Variants in GPA33 observed in about 807,000 individuals in gnomAD.
GPA33 encodes the protein glycoprotein A33.
In GPA33, 27 loss-of-function variants were observed where a neutral mutation model predicts 35.6. That is an observed-to-expected ratio of 0.76 (90% CI 0.56 to 1.04). The LOEUF (loss-of-function observed/expected upper bound fraction) is 1.04. GPA33 is among the 50% of genes least tolerant of loss of function. The pLI is 0.00. For missense variants in GPA33, 428 were observed against 411.9 expected, an observed-to-expected ratio of 1.04 and a Z score of -0.34; for synonymous variants, 176 against 164.0, an observed-to-expected ratio of 1.07 and a Z score of -0.56.
intron 1 of GPA33, among the ~76,000 whole-genome samples, chr1:167,077,727 T>C (rs1666852892): frequency 6.6e-6 from 1 of 152,214 alleles, no homozygotes; most frequent in Non-Finnish European, 1.5e-5. Context: ...CAACCATCAA[T>C]GGATGAAAAA....
In GPA33 at chr1:167,073,516, A is replaced by G. The variant is rs1373783525; in HGVS notation, c.67T>C (p.Ser23Pro). Residue 23 changes from serine (S) to proline (P), a missense_variant, in exon 2 of 7, where the codon TCT (serine) becomes CCT (proline). Coordinates refer to ENST00000367868, the MANE Select transcript of GPA33 (RefSeq NM_005814.3). The part of the protein sequence containing the change: ...CAVRVTVDAI[S>P]VETPQDVLRA... ...AGAACGTCCTGCGGAGTTTCCACAG[A>G]GATGGCATCGACGGTCACCCTGACT... 2 of 1,613,898 alleles carry G rather than the reference A, an allele frequency of 1.2e-6. No individual in the cohort carries two copies. Among genetic ancestry groups the G allele is most frequent in the South Asian group, 1.1e-5 (1 of 91,066 alleles).
chr1:167,063,478 T>A, intron 4 of GPA33, 104 bp downstream of exon 4: 1 of 1,003,660 alleles, frequency 1.0e-6, no homozygotes. Flanking sequence ...GCAAGCGGCC[T>A]TCAGGGGGAT....
At chr1:167,088,555 G>A (rs1667098937) in intron 1 of GPA33, among the ~76,000 whole-genome samples, 1 of 152,174 alleles carries the variant, frequency 6.6e-6, no homozygotes, top group Non-Finnish European at 1.5e-5. Flanking sequence ...TCATCAGTGT[G>A]TCTGAAAACA....
chr1:167,058,889 CG>C (rs1254628621), intron 4 of GPA33, among the ~76,000 whole-genome samples: 5 of 152,106 alleles, frequency 3.3e-5, no homozygotes, highest in Non-Finnish European at 7.4e-5. Flanking sequence ...CTAAATGAAT[CG>C]GATTTGTTAT....
In GPA33 at chr1:167,075,685, G is replaced by A. The variant is rs543895552; in HGVS notation, c.44-2146C>T. 8.5e-5 allele frequency among the ~76,000 whole-genome samples: 13 copies of A among 152,238 alleles called. No individual in the cohort carries two copies. In the South Asian group the frequency reaches 1.0e-3, roughly 12 times the overall value. On this transcript the variant is annotated intron_variant, in intron 1 of 6. Transcript: ENST00000367868. ...TGGAGACACAACTTTGGGAGTCACCGGCTCTCCATCAGTTAAGGTCAGAGG... is the reference window on the plus strand; with the variant it reads ...TGGAGACACAACTTTGGGAGTCACCAGCTCTCCATCAGTTAAGGTCAGAGG...
chr1:167,053,973 C>G lies in GPA33; in HGVS notation c.*361G>C, dbSNP rs1666171511. The stretch of plus-strand genomic sequence containing the variant: ...GACAGCCCCCACCCCCCAAGGCTGG[C>G]ATCGCCTCCCTGGAGAGTTCTGAGT... On this transcript the variant is annotated 3_prime_UTR_variant, in exon 7 of 7. Transcript: ENST00000367868. 4.0e-6 allele frequency: 1 copy of G among 253,112 alleles called. No homozygotes were observed. Among genetic ancestry groups the G allele is most frequent in the South Asian group, 6.6e-5 (1 of 15,124 alleles). 15.7% of individuals were successfully genotyped at this position (253,112 alleles called of 1,614,324 possible).
chr1:167,055,160 CG>C (rs762981245), intron 5 of GPA33, 49 bp from the exon 6 acceptor site: 12 of 1,597,148 alleles, frequency 7.5e-6, no homozygotes, highest in Non-Finnish European at 1.0e-5. Flanking sequence ...AAGCTAGCTC[CG>C]GGTCTCCTCC....
At chr1:167,058,400 A>G (rs1282546829) in intron 4 of GPA33, 1 of 152,174 alleles carries the variant, frequency 6.6e-6, no homozygotes, top group Non-Finnish European at 1.5e-5. Context: ...CAGACATGAA[A>G]CAATGATGGT....
At chr1:167,078,480 G>C in intron 1 of GPA33, 1 of 152,182 alleles carries the variant, frequency 6.6e-6, no homozygotes, top group East Asian at 1.9e-4. Flanking sequence ...TCACATCCTT[G>C]TGAGAGGCGA....
chr1:167,056,734 G>A (rs1398796352), intron 4 of GPA33, among the ~76,000 whole-genome samples: 3 of 45,316 alleles, frequency 6.6e-5, no homozygotes, highest in East Asian at 7.8e-4. Flanking sequence ...TGTGATGTAT[G>A]TGGTGTGTGT....
intron 1 of GPA33, among the ~76,000 whole-genome samples, chr1:167,087,521 C>CCAT (rs1263592572): frequency 1.3e-5 from 2 of 152,144 alleles, no homozygotes; most frequent in African/African-American, 2.4e-5. Flanking sequence ...CCCCTTTGGT[C>CCAT]CCCTGGGATG....
At chr1:167,089,262 G>C (rs1164414100) in intron 1 of GPA33, among the ~76,000 whole-genome samples, 1 of 152,152 alleles carries the variant, frequency 6.6e-6, no homozygotes, top group South Asian at 2.1e-4. Context: ...GTGGCCCGGG[G>C]CTTTCCTGTG....
Position 167,088,414 on chromosome 1 carries a change from C to T in GPA33, c.43+1831G>A, listed in dbSNP as rs75662240. Reference sequence around the variant, plus strand: ...ACCTCAAGTCGACCACCAAGCCTGGCTTCTCCTGCCCCACTGCTCTGGCCC... The same window carrying T: ...ACCTCAAGTCGACCACCAAGCCTGGTTTCTCCTGCCCCACTGCTCTGGCCC... On this transcript the variant is annotated intron_variant, in intron 1 of 6. Transcript: ENST00000367868. 3.0e-3 allele frequency among the ~76,000 whole-genome samples: 461 copies of T among 152,332 alleles called. 2 individuals carry two copies. Among genetic ancestry groups the T allele is most frequent in the African/African-American group, 0.011 (444 of 41,572 alleles).
At chr1:167,063,545 T>C in intron 4 of GPA33, 37 bp downstream of exon 4, 1 of 1,566,816 alleles carries the variant, frequency 6.4e-7, no homozygotes. Flanking sequence ...TGTTGCACTT[T>C]GACGTGGGGA....
At chr1:167,062,171 A>C (rs1399090806) in intron 4 of GPA33, among the ~76,000 whole-genome samples, 1 of 151,290 alleles carries the variant, frequency 6.6e-6, no homozygotes, top group Non-Finnish European at 1.5e-5. Context: ...AAAATATTTT[A>C]TTTATTTTAT....
chr1:167,075,109 C>T (rs1013536869), intron 1 of GPA33, among the ~76,000 whole-genome samples: 4 of 151,828 alleles, frequency 2.6e-5, no homozygotes, highest in Non-Finnish European at 4.4e-5. Context: ...CCATGTTGGC[C>T]AGGCTGGTCT....
In GPA33 at chr1:167,090,377, T is replaced by A. The variant is rs1667131146; in HGVS notation, c.-90A>T. 9.0e-7 allele frequency: 1 copy of A among 1,109,324 alleles called. No individual in the cohort carries two copies. The highest frequency in any genetic ancestry group is 1.8e-5 in the Admixed American group (1 of 55,008). The allele number at this position is 1,109,324 out of a possible 1,614,324, so 68.7% of individuals were successfully genotyped here. The stretch of plus-strand genomic sequence containing the variant: ...GTCTGGTTAAAGCTACAGCAGCTTC[T>A]GGCCTGGCCCAACTGGAGGTCCCTG... On this transcript the variant is annotated 5_prime_UTR_variant, in exon 1 of 7. Coordinates refer to ENST00000367868, the MANE Select transcript of GPA33 (RefSeq NM_005814.3).
In GPA33 at chr1:167,066,868, G is replaced by A. The variant is rs552252599; in HGVS notation, c.415+2054C>T. On this transcript the variant is annotated intron_variant, in intron 3 of 6. Coordinates refer to ENST00000367868, the MANE Select transcript of GPA33 (RefSeq NM_005814.3). Reference sequence around the variant, plus strand: ...AGCCCCAGTTTTCCCAGCCGAAACCGAGACTGAGACCACGCGTGCTGCCCC... The same window carrying A: ...AGCCCCAGTTTTCCCAGCCGAAACCAAGACTGAGACCACGCGTGCTGCCCC... Among the ~76,000 whole-genome samples the A allele has an allele frequency of 1.3e-3, 205 of 152,308 alleles. 2 individuals carry two copies. Among genetic ancestry groups the A allele is most frequent in the Middle Eastern group, 6.8e-3 (2 of 294 alleles).
At chr1:167,071,279 T>C (rs1357473833) in intron 2 of GPA33, among the ~76,000 whole-genome samples, 1 of 152,120 alleles carries the variant, frequency 6.6e-6, no homozygotes, top group Admixed American at 6.5e-5. Context: ...GAAATGCTAA[T>C]GAGAGATGAA....
Sources: gnomAD v4.1 joint callset for allele counts (sites outside exome capture counted in the v4.1 genomes callset) on GRCh38, gnomAD v4.1.1 for gene constraint, MANE v1.5 for transcripts, NCBI Gene and HGNC (gene_info 2026-07-23, HGNC 2026-07-21) for gene names.